The following USP28 variants were observed in gnomAD, a reference collection of about 807,000 sequenced individuals.
USP28 encodes ubiquitin specific peptidase 28, also known as ubiquitin carboxyl-terminal hydrolase 28.
USP28 carries 113 observed loss-of-function variants against 145.0 expected under a neutral mutation model. That is an observed-to-expected ratio of 0.78 (90% CI 0.67 to 0.91). The LOEUF (loss-of-function observed/expected upper bound fraction) is 0.91, where lower values mean the gene tolerates loss of function less well. Ranked by LOEUF, USP28 falls within the 40% of genes least tolerant of loss-of-function variation. The pLI is 0.00. For synonymous variants in USP28, 447 were observed against 450.9 expected (o/e 0.99, Z 0.11); for missense variants, 1,201 against 1,289.6 (o/e 0.93, Z 1.05).
chr11:113,855,029 T>C (rs1264264727), intron 1 of USP28, among the ~76,000 whole-genome samples: 2 of 152,192 alleles, frequency 1.3e-5, no homozygotes, highest in South Asian at 2.1e-4. Context: ...CATTAGTGTG[T>C]ATCATTTTTC....
chr11:113,857,863 G>A (rs1034610263), intron 1 of USP28, among the ~76,000 whole-genome samples: 3 of 151,776 alleles, frequency 2.0e-5, no homozygotes, highest in South Asian at 2.1e-4. Context: ...AAACTCTTTC[G>A]TTTCCTTTTT....
chr11:113,803,431 C>A, intron 22 of USP28, 150 bp from the exon 24 acceptor site: 3 of 925,898 alleles, frequency 3.2e-6, no homozygotes, highest in Non-Finnish European at 4.6e-6. Flanking sequence ...ATCTCTTCTA[C>A]AAATTGGCCT....
At chr11:113,812,621 CTTG>C (rs1349392222) in intron 15 of USP28, 117 bp from the exon 16 acceptor site, 13 of 884,390 alleles carry the variant, frequency 1.5e-5, no homozygotes, top group African/African-American at 8.4e-5. Context: ...ATTAAAACAT[CTTG>C]TTGATTCAAG....
intron 1 of USP28, chr11:113,874,668 A>G: frequency 7.9e-7 from 1 of 1,262,810 alleles, no homozygotes; most frequent in Non-Finnish European, 1.0e-6. Flanking sequence ...AACATTCCGA[A>G]GTAACACTAG....
chr11:113,813,834 A>G lies in USP28; in HGVS notation c.1743+51T>C, dbSNP rs113336417. ...GAAAACTATCAAATTTGATTTTTGT[A>G]TCTACCATTAGCACATGCCTTGACT... On this transcript the variant is annotated intron_variant, in intron 15 of 24. Transcript: ENST00000003302. 4.2e-6 allele frequency: 6 copies of G among 1,432,948 alleles called. No individual in the cohort carries two copies. In the Admixed American group the frequency reaches 5.2e-5, roughly 13 times the overall value. 88.8% of individuals were successfully genotyped at this position (1,432,948 alleles called of 1,614,324 possible).
At chr11:113,827,174 C>T (rs1396292409) in intron 11 of USP28, 59 bp downstream of exon 11, 12 of 1,553,506 alleles carry the variant, frequency 7.7e-6, no homozygotes, top group South Asian at 3.7e-5. Flanking sequence ...ATACTTAGTA[C>T]GTGCTCATCT....
In USP28 at chr11:113,848,235, G is replaced by A. The variant is rs111343964; in HGVS notation, c.268+4266C>T. On this transcript the variant is annotated intron_variant, in intron 3 of 24. Transcript: ENST00000003302. ...AATACAGCACTACCAAAGGTGGGTG[G>A]ACCAAAGGGAACTCTGCTGATTAAC... Among the ~76,000 whole-genome samples the A allele has an allele frequency of 2.0e-5, 3 of 152,274 alleles. 1 individual carries two copies. The highest frequency in any genetic ancestry group is 1.9e-4 in the East Asian group (1 of 5,178).
chr11:113,827,504 T>C (rs1943515810), intron 10 of USP28, 144 bp from the exon 11 acceptor site: 1 of 718,058 alleles, frequency 1.4e-6, no homozygotes, highest in East Asian at 3.3e-5. Flanking sequence ...AACTTTTTTT[T>C]ATCCCAAACA....
rs543784305 is a variant in USP28, at chr11:113,810,975, G to A, written c.1972+1301C>T. ...CAGGCGTGAACCACCATGCCGGGGC[G>A]ATGTTTCCTTACTTACGCCACACAG... On this transcript the variant is annotated intron_variant, in intron 16 of 24. Transcript: ENST00000003302. Among the ~76,000 whole-genome samples the A allele has an allele frequency of 3.9e-5, 6 of 152,216 alleles. No individual in the cohort carries two copies. In the East Asian group the frequency reaches 5.8e-4, roughly 15 times the overall value.
chr11:113,842,643 T>C (rs771350432), intron 3 of USP28, among the ~76,000 whole-genome samples: 1 of 149,972 alleles, frequency 6.7e-6, no homozygotes, highest in Non-Finnish European at 1.5e-5. Flanking sequence ...GAGTTAATAC[T>C]AGATGGAGCA....
At chr11:113,860,830 A>T (rs909787579) in intron 1 of USP28, among the ~76,000 whole-genome samples, 5 of 151,512 alleles carry the variant, frequency 3.3e-5, no homozygotes, top group African/African-American at 1.2e-4. Flanking sequence ...AAAAAAAAAA[A>T]AATAAGGGCC....
In USP28 at chr11:113,823,718, C is replaced by A. The variant is rs1174937823; in HGVS notation, c.1188-18G>T. Reference sequence around the variant, plus strand: ...ACATGTACCTAAGTAAATAATCCCACAAACACAATTTATATTATAAAACAT... The same window carrying A: ...ACATGTACCTAAGTAAATAATCCCAAAAACACAATTTATATTATAAAACAT... On this transcript the variant is annotated intron_variant, in intron 11 of 24. Coordinates refer to ENST00000003302, the Ensembl canonical transcript of USP28. The A allele has an allele frequency of 3.2e-6, 5 of 1,554,472 alleles. No individual in the cohort carries two copies. Among genetic ancestry groups the A allele is most frequent in the Non-Finnish European group, 4.4e-6 (5 of 1,140,078 alleles).
chr11:113,862,921 G>A (rs912185562), intron 1 of USP28, among the ~76,000 whole-genome samples: 1 of 152,040 alleles, frequency 6.6e-6, no homozygotes, highest in African/African-American at 2.4e-5. Flanking sequence ...AAAAAACCAA[G>A]AGTTAAGATC....
At chr11:113,822,462 G>A (rs1157291302) in intron 12 of USP28, 1 of 17,214 alleles carries the variant, frequency 5.8e-5, no homozygotes, top group African/African-American at 1.1e-4. Flanking sequence ...AAAAAACAGA[G>A]AGAGAGAGAG....
At chr11:113,846,483 A>T (rs978780799) in intron 3 of USP28, among the ~76,000 whole-genome samples, 10 of 152,334 alleles carry the variant, frequency 6.6e-5, no homozygotes, top group African/African-American at 2.2e-4. Context: ...TAGAAACAGA[A>T]AACAGAATGG....
At chr11:113,871,142 G>A (rs1948769328) in intron 1 of USP28, among the ~76,000 whole-genome samples, 1 of 152,108 alleles carries the variant, frequency 6.6e-6, no homozygotes, top group African/African-American at 2.4e-5. Flanking sequence ...TCCCACCTTG[G>A]CACAGTTATC....
intron 10 of USP28, 100 bp downstream of exon 10, chr11:113,829,097 A>C: frequency 6.6e-7 from 1 of 1,507,000 alleles, no homozygotes; most frequent in Non-Finnish European, 9.0e-7. Flanking sequence ...TGCTAAGTGT[A>C]AAGTTACTTA....
At chr11:113,828,848 G>A (rs1391561816) in intron 10 of USP28, 1 of 490,282 alleles carries the variant, frequency 2.0e-6, no homozygotes, top group Non-Finnish European at 4.0e-6. Flanking sequence ...GCATACCATA[G>A]GAGTTAATCA....
chr11:113,842,515 G>A (rs1000887856), intron 3 of USP28, among the ~76,000 whole-genome samples: 12 of 151,594 alleles, frequency 7.9e-5, no homozygotes, highest in African/African-American at 2.9e-4. Flanking sequence ...AACCCGGGAG[G>A]TGGAGCTTGC....
Sources: gnomAD v4.1 joint callset for allele counts (sites outside exome capture counted in the v4.1 genomes callset) on GRCh38, gnomAD v4.1.1 for gene constraint, MANE v1.5 for transcripts, NCBI Gene and HGNC (gene_info 2026-07-23, HGNC 2026-07-21) for gene names.